Variants in ATXN2L observed in about 807,000 individuals in gnomAD.
ATXN2L encodes ataxin 2 like, also known as ataxin-2-like protein.
A neutral mutation model predicts 120.7 loss-of-function variants in ATXN2L; 24 were observed. That is an observed-to-expected ratio of 0.20 (90% CI 0.14 to 0.28). ATXN2L has a LOEUF of 0.28. ATXN2L is among the 10% of genes least tolerant of loss of function. The pLI, the probability that ATXN2L is intolerant of heterozygous loss-of-function variation, is 1.00. For synonymous variants in ATXN2L, 653 were observed against 568.1 expected, an observed-to-expected ratio of 1.15 and a Z score of -2.13; for missense variants, 1,312 against 1,432.3, an observed-to-expected ratio of 0.92 and a Z score of 1.36.
chr16:28,824,188 T>G (rs2050803700), intron 1 of ATXN2L: 2 of 1,034,430 alleles, frequency 1.9e-6, no homozygotes, highest in South Asian at 5.6e-5. Flanking sequence ...ACCCGGGCAT[T>G]CGCGCGCCCC....
At chr16:28,823,639 C>G in intron 1 of ATXN2L, 81 bp downstream of exon 1, 6 of 1,228,722 alleles carry the variant, frequency 4.9e-6, no homozygotes, top group Non-Finnish European at 6.2e-6. Context: ...GACCCCGACC[C>G]GGCACCGTCA....
chr16:28,835,629 G>A lies in ATXN2L; in HGVS notation c.2766G>A (p.Thr922=), dbSNP rs149475994. ...NLYHPGALTG[T]PPSLPPGPSA... ...ACCACCCAGGGGCCCTGACAGGCAC[G>A]CCGCCCTCTCTGCCACCGGGACCTT... The change falls in exon 21 of 22, where the codon ACG becomes ACA. Residue 922 remains threonine, a synonymous_variant. Coordinates refer to ENST00000336783, the MANE Select transcript of ATXN2L (RefSeq NM_007245.4). 2.6e-5 allele frequency: 42 copies of A among 1,613,844 alleles called. No homozygotes were observed. Among genetic ancestry groups the A allele is most frequent in the Non-Finnish European group, 2.9e-5 (34 of 1,179,972 alleles).
At chr16:28,832,162 T>C (rs1487115918) in intron 10 of ATXN2L, 43 bp from the exon 11 acceptor site, 1 of 1,599,318 alleles carries the variant, frequency 6.3e-7, no homozygotes, top group Non-Finnish European at 8.6e-7. Context: ...CTCACTGCTG[T>C]TGACCAGCAG....
chr16:28,834,400 T>A lies in ATXN2L; in HGVS notation c.2230T>A (p.Tyr744Asn), dbSNP rs1403031369. The change falls in exon 17 of 22, where the codon TAC becomes AAC. Residue 744 changes from tyrosine to asparagine, a missense_variant. Coordinates refer to ENST00000336783, the MANE Select transcript of ATXN2L (RefSeq NM_007245.4). ...TTCAGTGCCTGGGCAGCAGGGCAAG[T>A]ACCGGGGAGCAAAAGGTGAGCAGGG... Reference protein sequence around the residue: ...SNSVPGQQGKYRGAKGSLPPQ... With the variant: ...SNSVPGQQGKNRGAKGSLPPQ... 1.2e-6 allele frequency: 2 copies of A among 1,614,070 alleles called. No individual in the cohort carries two copies. Among genetic ancestry groups the A allele is most frequent in the South Asian group, 2.2e-5 (2 of 91,086 alleles).
In ATXN2L at chr16:28,835,762, A is replaced by G; in HGVS notation, c.2895+4A>G. The stretch of plus-strand genomic sequence containing the variant: ...CAACATGGCCCATGTTACCCAGGTA[A>G]GAGCCCAGCTGTCCCACTTCTGGGT... On this transcript the variant is annotated splice_donor_region_variant and intron_variant, in intron 21 of 21. Transcript: ENST00000336783. The G allele has an allele frequency of 6.2e-7, 1 of 1,614,042 alleles. No homozygotes were observed. Among genetic ancestry groups the G allele is most frequent in the Non-Finnish European group, 8.5e-7 (1 of 1,179,924 alleles).
Position 28,825,777 on chromosome 16 carries a change from C to G in ATXN2L, c.401C>G (p.Thr134Ser), listed in dbSNP as rs2051712133. 6.2e-7 allele frequency: 1 copy of G among 1,614,044 alleles called. No homozygotes were observed. Among genetic ancestry groups the G allele is most frequent in the Middle Eastern group, 1.6e-4 (1 of 6,062 alleles). Reference protein sequence around the residue: ...LHFLTAVVGSTCDVKVKNGTT... With the variant: ...LHFLTAVVGSSCDVKVKNGTT... Reference sequence around the variant, plus strand: ...TTTTTCCCACTCTGCCAGGGCTCCACTTGTGATGTAAAGGTGAAAAATGGT... The same window carrying G: ...TTTTTCCCACTCTGCCAGGGCTCCAGTTGTGATGTAAAGGTGAAAAATGGT... The change falls in exon 4 of 22, where the codon ACT becomes AGT. Residue 134 changes from threonine (T) to serine (S), a missense_variant. Transcript: ENST00000336783.
In ATXN2L at chr16:28,829,387, T is replaced by C. The variant is rs774345580; in HGVS notation, c.742-14T>C. The C allele has an allele frequency of 6.3e-6, 10 of 1,596,028 alleles. No homozygotes were observed. Among genetic ancestry groups the C allele is most frequent in the South Asian group, 1.1e-5 (1 of 90,642 alleles). ...TTCCTGCTGGGTTTTAAAACCACCT[T>C]CCTCCCTCCCCAGTCCAATGGATGG... is the stretch of plus-strand genomic sequence containing the variant. On this transcript the variant is annotated splice_polypyrimidine_tract_variant and intron_variant, in intron 6 of 21. Transcript: ENST00000336783.
intron 6 of ATXN2L, among the ~76,000 whole-genome samples, chr16:28,827,393 C>G (rs1166772952): frequency 6.6e-6 from 1 of 151,856 alleles, no homozygotes; most frequent in African/African-American, 2.4e-5. Context: ...TGTGATCATA[C>G]CACTGCACTC....
intron 15 of ATXN2L, 101 bp from the exon 16 acceptor site, chr16:28,833,964 T>G: frequency 7.6e-7 from 1 of 1,319,120 alleles, no homozygotes; most frequent in South Asian, 1.4e-5. Flanking sequence ...AGAATATGTT[T>G]GGTATGCAGC....
At chr16:28,825,267 C>T (rs375137266) in intron 1 of ATXN2L, 99 bp from the exon 2 acceptor site, 17 of 1,105,522 alleles carry the variant, frequency 1.5e-5, no homozygotes, top group South Asian at 1.3e-4. Flanking sequence ...TCTAAATCAG[C>T]ATCATCAGGT....
intron 1 of ATXN2L, chr16:28,823,849 G>GT: frequency 2.9e-6 from 1 of 339,000 alleles, no homozygotes; most frequent in Admixed American, 5.0e-5. Context: ...GGAACGGGGA[G>GT]TTGGGGGGGG....
In ATXN2L at chr16:28,834,500, T is replaced by C. The variant is rs746035724; in HGVS notation, c.2246-6T>C. ...CTTGAGCTCTCCTCTCCTCCTCCTC[T>C]TCCAGGCTCCCTTCCTCCGCAGCGC... On this transcript the variant is annotated splice_region_variant and splice_polypyrimidine_tract_variant and intron_variant, in intron 17 of 21. Coordinates refer to ENST00000336783, the MANE Select transcript of ATXN2L (RefSeq NM_007245.4). 6.2e-7 allele frequency: 1 copy of C among 1,612,420 alleles called. No individual in the cohort carries two copies. Among genetic ancestry groups the C allele is most frequent in the South Asian group, 1.1e-5 (1 of 91,026 alleles).
intron 21 of ATXN2L, 81 bp from the exon 22 acceptor site, chr16:28,835,852 C>A: frequency 6.3e-7 from 1 of 1,585,410 alleles, no homozygotes; most frequent in Non-Finnish European, 8.6e-7. Flanking sequence ...GCCACCCTTG[C>A]CATAGTGCTC....
Position 28,834,516 on chromosome 16 carries a change from T to A in ATXN2L, c.2256T>A (p.Pro752=). The part of the protein sequence containing the change: ...GKYRGAKGSL[P]PQRSDQHQPA... Reference sequence around the variant, plus strand: ...CTCCTCCTCTTCCAGGCTCCCTTCCTCCGCAGCGCTCGGACCAACACCAGC... The same window carrying A: ...CTCCTCCTCTTCCAGGCTCCCTTCCACCGCAGCGCTCGGACCAACACCAGC... The change falls in exon 18 of 22, where the codon CCT becomes CCA. Residue 752 remains proline, a synonymous_variant. Coordinates refer to ENST00000336783, the MANE Select transcript of ATXN2L (RefSeq NM_007245.4). 1 of 1,610,802 alleles carries A rather than the reference T, an allele frequency of 6.2e-7. No homozygotes were observed. Among genetic ancestry groups the A allele is most frequent in the Non-Finnish European group, 8.5e-7 (1 of 1,179,512 alleles).
intron 5 of ATXN2L, 71 bp downstream of exon 5, chr16:28,826,461 T>C (rs2052020791): frequency 6.6e-6 from 10 of 1,514,548 alleles, no homozygotes; most frequent in Non-Finnish European, 9.1e-6. Context: ...TGTGTGCAGG[T>C]GGAACATGGT....
chr16:28,835,573 T>G lies in ATXN2L; in HGVS notation c.2710T>G (p.Leu904Val). Residue 904 changes from leucine (L) to valine (V), a missense_variant, in exon 21 of 22, where the codon TTG (leucine) becomes GTG (valine). Physicochemically the swap from Leu to Val is conservative, Grantham distance 32. Coordinates refer to ENST00000336783, the MANE Select transcript of ATXN2L (RefSeq NM_007245.4). ...VQHQAGQAPH[L>V]GSGQPQQNLY... ...GCATCAGGCGGGGCAGGCCCCACAC[T>G]TGGGCAGTGGACAGCCACAGCAGAA... The G allele has an allele frequency of 6.2e-7, 1 of 1,613,776 alleles. No homozygotes were observed. The highest frequency in any genetic ancestry group is 1.3e-5 in the African/African-American group (1 of 74,994).
chr16:28,836,410 G>T lies in ATXN2L; in HGVS notation c.*145G>T, dbSNP rs1276283286. ...CTTTGCTTCCCTCCGTCCTCGCTCA[G>T]TTGTGATCCAGCAGCCCCCCTCCCC... On this transcript the variant is annotated 3_prime_UTR_variant, in exon 22 of 22. Transcript: ENST00000336783. The T allele has an allele frequency of 1.2e-6, 2 of 1,613,246 alleles. No homozygotes were observed. The highest frequency in any genetic ancestry group is 1.3e-5 in the African/African-American group (1 of 74,852).
Position 28,830,695 on chromosome 16 carries a change from G to T in ATXN2L, c.1115G>T (p.Gly372Val). 1 of 1,613,842 alleles carries T rather than the reference G, an allele frequency of 6.2e-7. No homozygotes were observed. Among genetic ancestry groups the T allele is most frequent in the Non-Finnish European group, 8.5e-7 (1 of 1,179,906 alleles). Residue 372 changes from glycine (G) to valine (V), a missense_variant, in exon 9 of 22, where the codon GGT (glycine) becomes GTT (valine). Coordinates refer to ENST00000336783, the MANE Select transcript of ATXN2L (RefSeq NM_007245.4). ...GGVRCSSSRG[G>V]RPGLSSLPPR... ...GTTCGATGCAGCAGCTCTCGGGGCG[G>T]TCGGCCTGGCCTTAGCTCTTTGCCA... is the stretch of plus-strand genomic sequence containing the variant.
intron 15 of ATXN2L, 72 bp from the exon 16 acceptor site, chr16:28,833,993 A>T: frequency 6.6e-7 from 1 of 1,511,210 alleles, no homozygotes; most frequent in East Asian, 2.3e-5. Flanking sequence ...AATGTTAATT[A>T]TTACCACTCT....
Sources: allele counts gnomAD v4.1 joint callset (sites outside exome capture counted in the v4.1 genomes callset), GRCh38; gene constraint gnomAD v4.1.1; transcripts MANE v1.5; gene names NCBI Gene and HGNC (gene_info 2026-07-23, HGNC 2026-07-21).